The following BIRC6 variants were observed in gnomAD, a reference collection of about 807,000 sequenced individuals.
BIRC6 encodes the protein baculoviral IAP repeat containing 6.
BIRC6 carries 98 observed loss-of-function variants against 503.3 expected under a neutral mutation model. That is an observed-to-expected ratio of 0.19 (90% confidence interval 0.17 to 0.23). The LOEUF is 0.23. BIRC6 is among the 10% of genes least tolerant of loss of function. The pLI is 1.00. For missense variants in BIRC6, 5,360 were observed against 5,806.0 expected, an observed-to-expected ratio of 0.92 and a Z score of 2.50; for synonymous variants, 2,240 against 2,078.7, an observed-to-expected ratio of 1.08 and a Z score of -2.11.
chr2:32,407,777 C>CA (rs1478235249), intron 9 of BIRC6, among the ~76,000 whole-genome samples: 5 of 151,036 alleles, frequency 3.3e-5, no homozygotes, highest in South Asian at 2.1e-4. Context: ...TAGCAATGAA[C>CA]AAAAAAAATC....
chr2:32,370,143 G>A (rs2035721586), intron 1 of BIRC6, among the ~76,000 whole-genome samples: 1 of 151,116 alleles, frequency 6.6e-6, no homozygotes, highest in Non-Finnish European at 1.5e-5. Flanking sequence ...TGTGTCCCAA[G>A]ACGTTGAGAG....
Position 32,441,319 on chromosome 2 carries a change from T to C in BIRC6, c.3811-10T>C, listed in dbSNP as rs2045409537. ...ATTTTTTAAAATTCATTATTATTTG[T>C]AATGTTTAGGAAAAATCATCTAATG... is the stretch of plus-strand genomic sequence containing the variant. On this transcript the variant is annotated splice_polypyrimidine_tract_variant and intron_variant, in intron 16 of 73. Coordinates refer to ENST00000421745, the MANE Select transcript of BIRC6 (RefSeq NM_016252.4). 2.0e-6 allele frequency: 3 copies of C among 1,484,756 alleles called. No individual in the cohort carries two copies. Among genetic ancestry groups the C allele is most frequent in the Non-Finnish European group, 2.8e-6 (3 of 1,089,882 alleles). 92.0% of individuals were successfully genotyped at this position (1,484,756 alleles called of 1,614,324 possible).
chr2:32,570,488 ATTTGTTTGTTTG>A (rs146958492), intron 65 of BIRC6, among the ~76,000 whole-genome samples: 6 of 146,408 alleles, frequency 4.1e-5, no homozygotes, highest in Admixed American at 3.5e-4. Context: ...GTGGCCATTT[ATTTGTTTGTTTG>A]TTTGTTTGTT....
At position 32,473,100 on chromosome 2, in the gene BIRC6, C is replaced by T. The variant is rs777536448; in HGVS notation, c.6593-12C>T. 2.6e-6 allele frequency: 4 copies of T among 1,554,742 alleles called. No homozygotes were observed. Among genetic ancestry groups the T allele is most frequent in the Non-Finnish European group, 3.5e-6 (4 of 1,152,266 alleles). On this transcript the variant is annotated splice_polypyrimidine_tract_variant and intron_variant, in intron 32 of 73. Transcript: ENST00000421745. Reference sequence around the variant, plus strand: ...AACAGAATTATTAATACAAGTTTTCCTTCGCCTGTAGGTAATCAGTGGAGT... The same window carrying T: ...AACAGAATTATTAATACAAGTTTTCTTTCGCCTGTAGGTAATCAGTGGAGT...
intron 68 of BIRC6, among the ~76,000 whole-genome samples, chr2:32,597,423 A>G (rs561537180): frequency 5.9e-5 from 9 of 152,334 alleles, no homozygotes; most frequent in African/African-American, 1.7e-4. Context: ...CTTTGAGTTA[A>G]TAGACCCTGT....
chr2:32,516,910 T>C (rs2055111188), intron 55 of BIRC6, among the ~76,000 whole-genome samples: 1 of 152,176 alleles, frequency 6.6e-6, no homozygotes, highest in Non-Finnish European at 1.5e-5. Flanking sequence ...ATATGAGATA[T>C]GGTAGACACT....
intron 22 of BIRC6, among the ~76,000 whole-genome samples, chr2:32,450,374 A>G (rs958020357): frequency 6.6e-6 from 1 of 152,068 alleles, no homozygotes; most frequent in African/African-American, 2.4e-5. Context: ...AGGCAGGAGA[A>G]TGGCGTGAAC....
At chr2:32,364,992 A>T (rs2034682118) in intron 1 of BIRC6, among the ~76,000 whole-genome samples, 3 of 152,320 alleles carry the variant, frequency 2.0e-5, no homozygotes, top group Middle Eastern at 3.4e-3. Flanking sequence ...TGAGAGATAA[A>T]CATGATATAG....
Position 32,431,099 on chromosome 2 carries a change from T to A in BIRC6, c.3248+9T>A. 1 of 1,573,728 alleles carries A rather than the reference T, an allele frequency of 6.4e-7. No individual in the cohort carries two copies. Among genetic ancestry groups the A allele is most frequent in the Non-Finnish European group, 8.7e-7 (1 of 1,150,084 alleles). On this transcript the variant is annotated intron_variant, in intron 12 of 73. Coordinates refer to ENST00000421745, the MANE Select transcript of BIRC6 (RefSeq NM_016252.4). ...AAACTACAGACCGACAGGTAAAAGA[T>A]ATTCCCAAGATAATTAATTTTAAGT...
At chr2:32,607,692 T>C (rs1454454528) in intron 72 of BIRC6, 49 bp downstream of exon 72, 2 of 1,489,956 alleles carry the variant, frequency 1.3e-6, no homozygotes, top group Non-Finnish European at 1.8e-6. Context: ...CATTTTACAA[T>C]ATAGGCTGGG....
At position 32,442,208 on chromosome 2, in the gene BIRC6, A is replaced by T; in HGVS notation, c.4088A>T (p.His1363Leu). Residue 1363 changes from histidine to leucine, a missense_variant, in exon 18 of 74, where the codon CAT (histidine) becomes CTT (leucine). By Grantham distance (99) the His-to-Leu change is moderately conservative (BLOSUM62 -3). Around this residue, in one of 16 missense-constraint regions of BIRC6, gnomAD observed 2,299 missense variants for 2,267.2 expected, o/e 1.01. Transcript: ENST00000421745. ...ACTCTCTGTTGGTTAGCTGGAGTTCATTCAAATGGACCCGGAAGGTTAATA... is the reference window on the plus strand; with the variant it reads ...ACTCTCTGTTGGTTAGCTGGAGTTCTTTCAAATGGACCCGGAAGGTTAATA... ...LDTLCWLAGV[H>L]SNGPGSSKEG... is the part of the protein sequence containing the mutation. 1.2e-6 allele frequency: 2 copies of T among 1,606,838 alleles called. No homozygotes were observed. The highest frequency in any genetic ancestry group is 1.7e-6 in the Non-Finnish European group (2 of 1,177,338).
intron 61 of BIRC6, among the ~76,000 whole-genome samples, chr2:32,538,542 T>C (rs1304455234): frequency 6.6e-6 from 1 of 152,220 alleles, no homozygotes; most frequent in East Asian, 1.9e-4. Context: ...AAGTTCAGGG[T>C]GATCTCCCAA....
In BIRC6 at chr2:32,499,892, G is replaced by A. The variant is rs2052946211; in HGVS notation, c.8814G>A (p.Arg2938=). Residue 2938 remains arginine (R), a synonymous_variant, in exon 46 of 74, where the codon AGG becomes AGA. Coordinates refer to ENST00000421745, the MANE Select transcript of BIRC6 (RefSeq NM_016252.4). ...TGCAGCTGCCTCTTTCAGGCAATAGGGAATACAGTGCAAGAGTGTCTGTGA... is the reference window on the plus strand; with the variant it reads ...TGCAGCTGCCTCTTTCAGGCAATAGAGAATACAGTGCAAGAGTGTCTGTGA... ...ILVQLPLSGN[R]EYSARVSVTT... The A allele has an allele frequency of 6.2e-7, 1 of 1,613,932 alleles. No individual in the cohort carries two copies. The highest frequency in any genetic ancestry group is 1.3e-5 in the African/African-American group (1 of 75,016).
At chr2:32,400,728 G>A (rs1158769930) in intron 6 of BIRC6, among the ~76,000 whole-genome samples, 2 of 152,038 alleles carry the variant, frequency 1.3e-5, no homozygotes, top group African/African-American at 2.4e-5. Flanking sequence ...GGCATTTATC[G>A]AGTTTCAGCT....
intron 37 of BIRC6, among the ~76,000 whole-genome samples, chr2:32,479,943 A>AT (rs1464230526): frequency 2.6e-5 from 4 of 152,070 alleles, no homozygotes; most frequent in South Asian, 4.2e-4. Context: ...CCAGCATGTG[A>AT]TTTTTTTGGT....
chr2:32,376,747 C>T (rs2036845022), intron 1 of BIRC6, among the ~76,000 whole-genome samples: 1 of 151,976 alleles, frequency 6.6e-6, no homozygotes, highest in South Asian at 2.1e-4. Flanking sequence ...CTTATGCATA[C>T]CTGTAATAAA....
At chr2:32,555,713 G>A (rs1320244942) in intron 65 of BIRC6, among the ~76,000 whole-genome samples, 1 of 150,834 alleles carries the variant, frequency 6.6e-6, no homozygotes, top group Non-Finnish European at 1.5e-5. Flanking sequence ...GCTCACATCT[G>A]CAATCCCAGC....
intron 61 of BIRC6, among the ~76,000 whole-genome samples, chr2:32,537,737 C>T (rs1355356256): frequency 6.6e-6 from 1 of 152,090 alleles, no homozygotes; most frequent in Non-Finnish European, 1.5e-5. Flanking sequence ...GAGGCCGAGG[C>T]GGGCGGATCA....
chr2:32,560,468 T>A (rs969150817), intron 65 of BIRC6, among the ~76,000 whole-genome samples: 2 of 152,224 alleles, frequency 1.3e-5, no homozygotes, highest in African/African-American at 4.8e-5. Context: ...CTCAATAGAG[T>A]AAAATATATA....
Sources: allele counts gnomAD v4.1 joint callset (sites outside exome capture counted in the v4.1 genomes callset), GRCh38; gene constraint gnomAD v4.1.1; regional missense constraint gnomAD v4.1.1; transcripts MANE v1.5; gene names NCBI Gene and HGNC (gene_info 2026-07-23, HGNC 2026-07-21).